Variants in MCM9 observed in about 807,000 individuals in gnomAD.
MCM9 encodes DNA helicase MCM9.
In MCM9, 55 loss-of-function variants were observed where a neutral mutation model predicts 72.8. The ratio of observed to expected loss-of-function variants is 0.76; its 90% CI spans 0.61 to 0.95. The LOEUF (loss-of-function observed/expected upper bound fraction) is 0.95, where lower values mean the gene tolerates loss of function less well. Ranked by LOEUF, MCM9 falls within the 40% of genes least tolerant of loss-of-function variation. MCM9 has a pLI of 0.00. For missense variants in MCM9, 1,279 were observed against 1,377.0 expected, an observed-to-expected ratio of 0.93 and a Z score of 1.13; for synonymous variants, 480 against 503.4, an observed-to-expected ratio of 0.95 and a Z score of 0.62.
intron 9 of MCM9, among the ~76,000 whole-genome samples, chr6:118,850,970 C>A (rs1324456759): frequency 6.6e-6 from 1 of 151,662 alleles, no homozygotes; most frequent in African/African-American, 2.4e-5. Context: ...AGGCGCACAC[C>A]ACTGTACTTG....
intron 9 of MCM9, among the ~76,000 whole-genome samples, chr6:118,835,299 G>A (rs191868606): frequency 6.6e-6 from 1 of 152,232 alleles, no homozygotes; most frequent in Non-Finnish European, 1.5e-5. Flanking sequence ...CTCCAGCTTT[G>A]TTCTTTTTGC....
At chr6:118,818,562 G>A (rs1773563142) in intron 13 of MCM9, among the ~76,000 whole-genome samples, 1 of 152,190 alleles carries the variant, frequency 6.6e-6, no homozygotes, top group African/African-American at 2.4e-5. Context: ...CAGGTAGCGT[G>A]ATGCCTCCAG....
chr6:118,893,967 CCCTCTCCGCG>C (rs1779149917), intron 8 of MCM9: 1 of 933,142 alleles, frequency 1.1e-6, no homozygotes, highest in African/African-American at 1.9e-5. Flanking sequence ...CCCCCTCCGC[CCCTCTCCGCG>C]CCGCCGCCGG....
In MCM9 at chr6:118,814,866, T is replaced by C; in HGVS notation, c.3390A>G (p.Ala1130=). The C allele has an allele frequency of 2.6e-6, 4 of 1,531,582 alleles. No individual in the cohort carries two copies. The highest frequency in any genetic ancestry group is 2.6e-6 in the Non-Finnish European group (3 of 1,138,688). 94.9% of individuals were successfully genotyped at this position (1,531,582 alleles called of 1,614,324 possible). Residue 1130 remains alanine, a synonymous_variant, in exon 14 of 14, where the codon GCA becomes GCG. Coordinates refer to ENST00000619706, the MANE Select transcript of MCM9 (RefSeq NM_017696.3). The part of the protein sequence containing the change: ...LFTLPELGDE[A]FDCDWDEEMR... Reference sequence around the variant, plus strand: ...TCTCTTCATCCCAGTCACAATCAAATGCTTCATCACCTAGTTCTGGTAAAG... The same window carrying C: ...TCTCTTCATCCCAGTCACAATCAAACGCTTCATCACCTAGTTCTGGTAAAG...
chr6:118,866,586 T>A (rs994186139), intron 8 of MCM9, among the ~76,000 whole-genome samples: 1 of 152,052 alleles, frequency 6.6e-6, no homozygotes, highest in Non-Finnish European at 1.5e-5. Context: ...TAAGATCCAG[T>A]AGAAGAATAG....
At chr6:118,907,730 C>CTGTA in intron 8 of MCM9, 1 of 764,000 alleles carries the variant, frequency 1.3e-6, no homozygotes. Context: ...TAAAAACATC[C>CTGTA]TGTAGAAAGT....
At chr6:118,878,913 T>C (rs1778107762) in intron 8 of MCM9, among the ~76,000 whole-genome samples, 1 of 151,672 alleles carries the variant, frequency 6.6e-6, no homozygotes, top group African/African-American at 2.4e-5. Context: ...AAAAATTAGC[T>C]GGGCAGGTGG....
intron 9 of MCM9, among the ~76,000 whole-genome samples, chr6:118,831,853 C>G (rs1583361170): frequency 6.6e-6 from 1 of 152,098 alleles, no homozygotes; most frequent in East Asian, 1.9e-4. Context: ...AAAGATCATC[C>G]CTAATCACAG....
At chr6:118,879,146 A>G (rs192401004) in intron 8 of MCM9, among the ~76,000 whole-genome samples, 1 of 152,330 alleles carries the variant, frequency 6.6e-6, no homozygotes, top group East Asian at 1.9e-4. Flanking sequence ...TAGAAAACAA[A>G]GAGGAGCATA....
intron 11 of MCM9, among the ~76,000 whole-genome samples, 187 bp downstream of exon 11, chr6:118,827,740 A>G (rs1047526905): frequency 6.6e-6 from 1 of 152,106 alleles, no homozygotes; most frequent in Non-Finnish European, 1.5e-5. Flanking sequence ...ACCACATTCC[A>G]GTCAATACTC....
intron 3 of MCM9, among the ~76,000 whole-genome samples, chr6:118,929,942 T>C (rs1329268775): frequency 1.3e-5 from 2 of 152,160 alleles, no homozygotes; most frequent in African/African-American, 4.8e-5. Context: ...ATATTTTTCA[T>C]TTAAATTAAG....
chr6:118,845,327 CT>C (rs1309034122), intron 9 of MCM9, among the ~76,000 whole-genome samples: 2 of 151,778 alleles, frequency 1.3e-5, no homozygotes, highest in African/African-American at 4.9e-5. Flanking sequence ...AATAAACTCC[CT>C]TTCCCCCAAA....
intron 8 of MCM9, among the ~76,000 whole-genome samples, chr6:118,862,036 A>T (rs1776937939): frequency 6.6e-6 from 1 of 152,224 alleles, no homozygotes; most frequent in Non-Finnish European, 1.5e-5. Context: ...GAAGGAGCCA[A>T]GGCAGTGGGG....
At chr6:118,907,827 T>C in intron 8 of MCM9, 1 of 488,534 alleles carries the variant, frequency 2.0e-6, no homozygotes, top group Non-Finnish European at 3.6e-6. Flanking sequence ...GTTATTTTAT[T>C]TGTTCTGAAA....
intron 9 of MCM9, 64 bp downstream of exon 9, chr6:118,856,307 C>T: frequency 6.9e-7 from 1 of 1,449,500 alleles, no homozygotes; most frequent in Non-Finnish European, 9.2e-7. Context: ...ACAAGGTTCA[C>T]ATTTTCCCCT....
At position 118,813,728 on chromosome 6, in the gene MCM9, A is replaced by G. The variant is rs1773246664; in HGVS notation, c.*1096T>C. The G allele has an allele frequency of 6.6e-6, 1 of 152,230 alleles. No individual in the cohort carries two copies. The highest frequency in any genetic ancestry group is 2.1e-4 in the South Asian group (1 of 4,836). The allele number at this position is 152,230 out of a possible 1,614,324, so 9.4% of individuals were successfully genotyped here. The stretch of plus-strand genomic sequence containing the variant: ...GGAATAAGTGATTTTAAAAGCACAT[A>G]GAAAGACAAAGCTTGAGGTTATCTA... On this transcript the variant is annotated 3_prime_UTR_variant, in exon 14 of 14. Coordinates refer to ENST00000619706, the MANE Select transcript of MCM9 (RefSeq NM_017696.3).
chr6:118,924,590 C>T (rs1036684724), intron 3 of MCM9, among the ~76,000 whole-genome samples: 1 of 152,084 alleles, frequency 6.6e-6, no homozygotes, highest in Non-Finnish European at 1.5e-5. Flanking sequence ...AGTTCCACAG[C>T]GCTAGAAAGT....
chr6:118,825,074 G>A (rs1000418332), intron 13 of MCM9, among the ~76,000 whole-genome samples: 15 of 151,936 alleles, frequency 9.9e-5, no homozygotes, highest in Admixed American at 7.2e-4. Flanking sequence ...CTCCTTTCCC[G>A]AATCCAGCAT....
chr6:118,857,025 G>A (rs1351602455), intron 8 of MCM9, among the ~76,000 whole-genome samples: 2 of 152,206 alleles, frequency 1.3e-5, no homozygotes. Context: ...TCACTGGAAG[G>A]CCTCATAAGC....
Sources: allele counts gnomAD v4.1 joint callset (sites outside exome capture counted in the v4.1 genomes callset), GRCh38; gene constraint gnomAD v4.1.1; transcripts MANE v1.5; gene names NCBI Gene and HGNC (gene_info 2026-07-23, HGNC 2026-07-21).